ZDHHC2: variants seen among roughly 807,000 people sequenced by gnomAD.
ZDHHC2 encodes zDHHC palmitoyltransferase 2, also known as palmitoyltransferase ZDHHC2.
Under a neutral mutation model 55.6 loss-of-function variants are expected in ZDHHC2, and 51 were observed. The ratio of observed to expected loss-of-function variants is 0.92; its 90% CI spans 0.73 to 1.16. The LOEUF is 1.16. ZDHHC2 is among the 50% of genes most tolerant of loss of function. The pLI is 0.00. For synonymous variants in ZDHHC2, 199 were observed against 152.9 expected (o/e 1.30, Z -2.22); for missense variants, 491 against 442.4 (o/e 1.11, Z -0.99).
intron 10 of ZDHHC2, among the ~76,000 whole-genome samples, chr8:17,210,681 A>T (rs1807335118): frequency 6.6e-6 from 1 of 152,206 alleles, no homozygotes; most frequent in African/African-American, 2.4e-5. Flanking sequence ...TGGTGTTATT[A>T]ATCTAAGTGT....
chr8:17,156,656 C>T lies in ZDHHC2; in HGVS notation c.-68C>T, dbSNP rs1210836249. The T allele has an allele frequency of 6.1e-6, 7 of 1,156,920 alleles. No individual in the cohort carries two copies. Among genetic ancestry groups the T allele is most frequent in the South Asian group, 7.5e-5 (2 of 26,832 alleles). 71.7% of individuals were successfully genotyped at this position (1,156,920 alleles called of 1,614,324 possible). On this transcript the variant is annotated 5_prime_UTR_variant, in exon 1 of 13. Transcript: ENST00000262096. The stretch of plus-strand genomic sequence containing the variant: ...CCCGTCCAGCCAGGGGTGCCGGGCC[C>T]GCCCAGCCCGCCCCGGAGCCAGGCC...
At chr8:17,173,248 A>G (rs989766474) in intron 1 of ZDHHC2, among the ~76,000 whole-genome samples, 1 of 152,230 alleles carries the variant, frequency 6.6e-6, no homozygotes, top group East Asian at 1.9e-4. Flanking sequence ...AAACAGGCCT[A>G]TATGTAGATC....
chr8:17,192,771 T>A (rs1311807825), intron 3 of ZDHHC2, among the ~76,000 whole-genome samples: 1 of 152,234 alleles, frequency 6.6e-6, no homozygotes, highest in Non-Finnish European at 1.5e-5. Context: ...TAGATTTAAG[T>A]CTTTAATCCA....
intron 1 of ZDHHC2, 117 bp downstream of exon 1, chr8:17,156,970 C>A: frequency 1.0e-6 from 1 of 982,814 alleles, no homozygotes; most frequent in Non-Finnish European, 1.4e-6. Context: ...CGCTGCCAAC[C>A]TGCCGCGTCC....
intron 1 of ZDHHC2, among the ~76,000 whole-genome samples, chr8:17,175,820 G>A (rs1347187743): frequency 1.3e-5 from 2 of 152,208 alleles, no homozygotes; most frequent in Admixed American, 6.5e-5. Flanking sequence ...TGTCTGACTA[G>A]ACAGGAAAAG....
chr8:17,188,910 C>A (rs547799071), intron 3 of ZDHHC2, among the ~76,000 whole-genome samples: 1 of 152,132 alleles, frequency 6.6e-6, no homozygotes, highest in Non-Finnish European at 1.5e-5. Flanking sequence ...ACATTGGTGT[C>A]ATCCTTGGCT....
At chr8:17,162,487 G>T (rs920680551) in intron 1 of ZDHHC2, among the ~76,000 whole-genome samples, 2 of 152,136 alleles carry the variant, frequency 1.3e-5, no homozygotes, top group Non-Finnish European at 2.9e-5. Flanking sequence ...TGACGGGATG[G>T]TTTCTTTATT....
chr8:17,173,897 G>A (rs1804991454), intron 1 of ZDHHC2, among the ~76,000 whole-genome samples: 1 of 152,090 alleles, frequency 6.6e-6, no homozygotes, highest in South Asian at 2.1e-4. Context: ...AAGTTAAAAC[G>A]AAGTCACCAG....
At chr8:17,156,912 G>A (rs1804083296) in intron 1 of ZDHHC2, 59 bp downstream of exon 1, 3 of 1,420,294 alleles carry the variant, frequency 2.1e-6, no homozygotes, top group Non-Finnish European at 2.8e-6. Context: ...CGACTGTCCC[G>A]GGACGCTCAG....
Position 17,216,313 on chromosome 8 carries a change from T to C in ZDHHC2, c.1064-859T>C, listed in dbSNP as rs140083108. On this transcript the variant is annotated intron_variant, in intron 11 of 12. Transcript: ENST00000262096. ...AATGGATGATCCTGAGTAAATATTC[T>C]AGTCATTATTTAATATATTATCAGT... Among the ~76,000 whole-genome samples the C allele has an allele frequency of 2.3e-3, 344 of 152,320 alleles. 4 individuals carry two copies. Among genetic ancestry groups the C allele is most frequent in the Non-Finnish European group, 4.0e-3 (273 of 68,016 alleles).
At chr8:17,180,779 A>G (rs1331223676) in intron 1 of ZDHHC2, among the ~76,000 whole-genome samples, 1 of 152,164 alleles carries the variant, frequency 6.6e-6, no homozygotes, top group Admixed American at 6.5e-5. Flanking sequence ...ATCCCCAGCC[A>G]TTGCTCTTTG....
At chr8:17,179,161 G>C (rs551048108) in intron 1 of ZDHHC2, among the ~76,000 whole-genome samples, 1 of 152,060 alleles carries the variant, frequency 6.6e-6, no homozygotes, top group African/African-American at 2.4e-5. Context: ...TGTGTTGCCC[G>C]GGCCAATCTC....
chr8:17,188,286 A>G (rs1805827096), intron 3 of ZDHHC2, among the ~76,000 whole-genome samples: 1 of 152,030 alleles, frequency 6.6e-6, no homozygotes, highest in South Asian at 2.1e-4. Context: ...CCTCCTAAAA[A>G]CCAATGTAAC....
At chr8:17,172,656 T>C (rs1053911915) in intron 1 of ZDHHC2, among the ~76,000 whole-genome samples, 1 of 152,216 alleles carries the variant, frequency 6.6e-6, no homozygotes, top group Non-Finnish European at 1.5e-5. Flanking sequence ...TTTATAAACG[T>C]AAGGATTAAG....
intron 3 of ZDHHC2, among the ~76,000 whole-genome samples, chr8:17,188,452 A>G (rs919867960): frequency 6.6e-6 from 1 of 152,214 alleles, no homozygotes; most frequent in African/African-American, 2.4e-5. Flanking sequence ...CCTGTATACA[A>G]CATGGCATTA....
At chr8:17,179,022 C>A (rs1356020275) in intron 1 of ZDHHC2, among the ~76,000 whole-genome samples, 3 of 152,168 alleles carry the variant, frequency 2.0e-5, no homozygotes, top group African/African-American at 7.2e-5. Context: ...AGGATCACAG[C>A]TCACTGCAGC....
chr8:17,156,517 C>A lies in ZDHHC2; in HGVS notation c.-207C>A. ...CCTCCGCTCGCAGCCGCCGCCTCCG[C>A]CTCCGCCGGGCTGAGGAGCCGGGAG... is the stretch of plus-strand genomic sequence containing the variant. On this transcript the variant is annotated 5_prime_UTR_variant, in exon 1 of 13. Transcript: ENST00000262096. 5.1e-6 allele frequency: 1 copy of A among 196,052 alleles called. No individual in the cohort carries two copies. The highest frequency in any genetic ancestry group is 9.2e-6 in the Non-Finnish European group (1 of 108,200). The allele number at this position is 196,052 out of a possible 1,614,324, so 12.1% of individuals were successfully genotyped here.
chr8:17,195,975 G>A (rs1806286983), intron 4 of ZDHHC2, among the ~76,000 whole-genome samples: 1 of 152,160 alleles, frequency 6.6e-6, no homozygotes, highest in African/African-American at 2.4e-5. Context: ...ATTTAAGGCA[G>A]CAGTATCTGT....
In ZDHHC2 at chr8:17,179,285, G is replaced by A. The variant is rs538362495; in HGVS notation, c.131-5504G>A. ...CTTTCTTACGGGAATGATCAGTGGC[G>A]GTGGAGGGGGTGAGCGTAAAGCGCA... is the stretch of plus-strand genomic sequence containing the variant. On this transcript the variant is annotated intron_variant, in intron 1 of 12. Transcript: ENST00000262096. Among the ~76,000 whole-genome samples, 138 of 152,268 alleles carry A rather than the reference G, an allele frequency of 9.1e-4. 1 individual carries two copies. The Middle Eastern group carries it at 0.01, about 11-fold the overall frequency.
Sources: gnomAD v4.1 joint callset for allele counts (sites outside exome capture counted in the v4.1 genomes callset) on GRCh38, gnomAD v4.1.1 for gene constraint, MANE v1.5 for transcripts, NCBI Gene and HGNC (gene_info 2026-07-23, HGNC 2026-07-21) for gene names.